The following RBM43 variants were observed in gnomAD, a reference collection of about 807,000 sequenced individuals.
RBM43 encodes RNA-binding protein 43.
Under a neutral mutation model 12.4 loss-of-function variants are expected in RBM43, and 12 were observed. The ratio of observed to expected loss-of-function variants is 0.97; its 90% confidence interval spans 0.62 to 1.57. The LOEUF is 1.57. RBM43 is among the 40% of genes most tolerant of loss of function. RBM43 has a pLI of 0.00. For synonymous variants in RBM43, 138 were observed against 145.7 expected (o/e 0.95, Z 0.38); for missense variants, 348 against 400.1 (o/e 0.87, Z 1.11).
rs138010968 is a variant in RBM43, at chr2:151,254,820, A to G, written c.214+713T>C. ...CCAGTAATAAGGCAGATACTATATTAGAATATCCATTTATTCTAAAATATA... is the reference window on the plus strand; with the variant it reads ...CCAGTAATAAGGCAGATACTATATTGGAATATCCATTTATTCTAAAATATA... On this transcript the variant is annotated intron_variant, in intron 2 of 3. Transcript: ENST00000331426. Among the ~76,000 whole-genome samples, 3 of 151,258 alleles carry G rather than the reference A, an allele frequency of 2.0e-5. No individual in the cohort carries two copies. In the East Asian group the frequency reaches 5.8e-4, roughly 29 times the overall value.
intron 1 of RBM43, among the ~76,000 whole-genome samples, chr2:151,259,803 G>A (rs1683023698): frequency 2.0e-5 from 3 of 152,276 alleles, no homozygotes; most frequent in Admixed American, 2.0e-4. Context: ...GGGAGAAATA[G>A]AAGATTCACT....
At chr2:151,254,880 A>G (rs1168914880) in intron 2 of RBM43, among the ~76,000 whole-genome samples, 2 of 152,164 alleles carry the variant, frequency 1.3e-5, no homozygotes, top group African/African-American at 4.8e-5. Context: ...CAAAGTAGTC[A>G]TCTTGTTTAT....
intron 2 of RBM43, among the ~76,000 whole-genome samples, chr2:151,254,908 T>C (rs983193263): frequency 3.9e-5 from 6 of 152,212 alleles, no homozygotes; most frequent in African/African-American, 1.4e-4. Flanking sequence ...TATATCATCT[T>C]TGTGGGGTTT....
In RBM43 at chr2:151,252,751, T is replaced by G. The variant is rs1244181010; in HGVS notation, c.315+4A>C. On this transcript the variant is annotated splice_donor_region_variant and intron_variant, in intron 3 of 3. Transcript: ENST00000331426. Reference sequence around the variant, plus strand: ...ATCAGTACACCTACAGCATCACACCTTACCTTGTCACCAAAATGAGAGACT... The same window carrying G: ...ATCAGTACACCTACAGCATCACACCGTACCTTGTCACCAAAATGAGAGACT... 1 of 1,543,716 alleles carries G rather than the reference T, an allele frequency of 6.5e-7. No homozygotes were observed. The highest frequency in any genetic ancestry group is 2.2e-5 in the East Asian group (1 of 44,512).
intron 1 of RBM43, among the ~76,000 whole-genome samples, chr2:151,256,981 A>G (rs1473549206): frequency 6.6e-6 from 1 of 152,224 alleles, no homozygotes; most frequent in African/African-American, 2.4e-5. Context: ...AACTGCAAGT[A>G]GACCCTTTGT....
In RBM43 at chr2:151,251,531, A is replaced by T. The variant is rs752804676; in HGVS notation, c.449T>A (p.Ile150Asn). ...SFSPLKPNGR[I>N]SVEGSFLAVK... ...AGCCAGAAATGATCCTTCCACGGAGATTCTTCCATTGGGTTTCAAAGGACT... is the reference window on the plus strand; with the variant it reads ...AGCCAGAAATGATCCTTCCACGGAGTTTCTTCCATTGGGTTTCAAAGGACT... Residue 150 changes from isoleucine (I) to asparagine (N), a missense_variant, in exon 4 of 4, where the codon ATC becomes AAC. By Grantham distance (149) the Ile-to-Asn change is moderately radical. Coordinates refer to ENST00000331426, the MANE Select transcript of RBM43 (RefSeq NM_198557.3). The T allele has an allele frequency of 5.0e-6, 8 of 1,614,150 alleles. No homozygotes were observed. Among genetic ancestry groups the T allele is most frequent in the Non-Finnish European group, 6.8e-6 (8 of 1,180,022 alleles).
chr2:151,261,532 G>T, intron 1 of RBM43, 193 bp downstream of exon 1: 1 of 1,546,858 alleles, frequency 6.5e-7, no homozygotes, highest in South Asian at 1.2e-5. Context: ...CAGCGAGGCT[G>T]ACCTGAGTTT....
At chr2:151,253,887 C>CGT (rs1682940685) in intron 2 of RBM43, among the ~76,000 whole-genome samples, 1 of 151,932 alleles carries the variant, frequency 6.6e-6, no homozygotes, top group Non-Finnish European at 1.5e-5. Flanking sequence ...ATTACCAGTC[C>CGT]CTCCCTTGGC....
rs890918328 is a variant in RBM43, at chr2:151,250,513, G to A, written c.*393C>T. ...ACTCCAGAGGTTGAGGCAGGAGAAT[G>A]GTGTGAACCCAGGAGGTGGACGTTG... On this transcript the variant is annotated 3_prime_UTR_variant, in exon 4 of 4. Coordinates refer to ENST00000331426, the MANE Select transcript of RBM43 (RefSeq NM_198557.3). 3.3e-5 allele frequency: 5 copies of A among 153,690 alleles called. No individual in the cohort carries two copies. Among genetic ancestry groups the A allele is most frequent in the African/African-American group, 1.2e-4 (5 of 41,120 alleles). 9.5% of individuals were successfully genotyped at this position (153,690 alleles called of 1,614,324 possible). A position where few individuals can be genotyped will look rare whatever the true frequency, so the allele number is the denominator to read the frequency against.
chr2:151,249,955 A>T lies in RBM43; in HGVS notation c.*951T>A, dbSNP rs1682872506. 1.3e-5 allele frequency: 2 copies of T among 152,156 alleles called. No homozygotes were observed. Among genetic ancestry groups the T allele is most frequent in the Admixed American group, 1.3e-4 (2 of 15,270 alleles). The allele number at this position is 152,156 out of a possible 1,614,324, so 9.4% of individuals were successfully genotyped here. On this transcript the variant is annotated 3_prime_UTR_variant, in exon 4 of 4. Transcript: ENST00000331426. ...GTTTTAGTTGGATGTGACAAGAATG[A>T]CTCAATTAATATTATCAACTTGCAC...
intron 1 of RBM43, 43 bp from the exon 2 acceptor site, chr2:151,255,786 C>T: frequency 7.5e-7 from 1 of 1,337,328 alleles, no homozygotes; most frequent in South Asian, 1.2e-5. Flanking sequence ...ACACAAGACT[C>T]TATATAATAA....
rs576487345 is a variant in RBM43, at chr2:151,250,642, T to C, written c.*264A>G. 26 of 313,156 alleles carry C rather than the reference T, an allele frequency of 8.3e-5. No homozygotes were observed. The highest frequency in any genetic ancestry group is 6.3e-4 in the East Asian group (12 of 19,198). The allele number at this position is 313,156 out of a possible 1,614,324, so 19.4% of individuals were successfully genotyped here. ...GTTTGGTGAGTTTTTTTCAAAGTTTTATTCCTTAGATATTATCTGTGTAAT... is the reference window on the plus strand; with the variant it reads ...GTTTGGTGAGTTTTTTTCAAAGTTTCATTCCTTAGATATTATCTGTGTAAT... On this transcript the variant is annotated 3_prime_UTR_variant, in exon 4 of 4. Transcript: ENST00000331426.
At chr2:151,259,305 A>C (rs1683016726) in intron 1 of RBM43, among the ~76,000 whole-genome samples, 1 of 152,216 alleles carries the variant, frequency 6.6e-6, no homozygotes, top group South Asian at 2.1e-4. Flanking sequence ...AACAATATTT[A>C]CTGTTTACAT....
At chr2:151,253,888 C>A (rs35058039) in intron 2 of RBM43, among the ~76,000 whole-genome samples, 21 of 151,768 alleles carry the variant, frequency 1.4e-4, no homozygotes, top group African/African-American at 2.2e-4. Flanking sequence ...TTACCAGTCC[C>A]TCCCTTGGCC....
At position 151,258,281 on chromosome 2, in the gene RBM43, T is replaced by A. The variant is rs138125173; in HGVS notation, c.4-2538A>T. Among the ~76,000 whole-genome samples the A allele has an allele frequency of 3.7e-3, 560 of 151,112 alleles. 4 individuals carry two copies. The highest frequency in any genetic ancestry group is 0.013 in the African/African-American group (536 of 41,126). ...AACTGCTCCAGCTGTCTCCTCACAT[T>A]CCCTACCCCCAGTGCACACAAGATT... On this transcript the variant is annotated intron_variant, in intron 1 of 3. Coordinates refer to ENST00000331426, the MANE Select transcript of RBM43 (RefSeq NM_198557.3).
At chr2:151,251,791 C>G in intron 3 of RBM43, 127 bp from the exon 4 acceptor site, 1 of 895,514 alleles carries the variant, frequency 1.1e-6, no homozygotes. Context: ...TTGCCTGCCC[C>G]AGACTTCCTG....
chr2:151,260,393 G>A (rs1683031689), intron 1 of RBM43, among the ~76,000 whole-genome samples: 1 of 152,154 alleles, frequency 6.6e-6, no homozygotes, highest in South Asian at 2.1e-4. Context: ...GCCGGGCAGG[G>A]AGATCATTTT....
chr2:151,255,743 C>T lies in RBM43; in HGVS notation c.4G>A (p.Ala2Thr). The T allele has an allele frequency of 6.2e-7, 1 of 1,606,746 alleles. No homozygotes were observed. The highest frequency in any genetic ancestry group is 8.5e-7 in the Non-Finnish European group (1 of 1,173,704). The change falls in exon 2 of 4, where the codon GCA (alanine) becomes ACA (threonine). Residue 2 changes from alanine (A) to threonine (T), a missense_variant and splice_region_variant. By Grantham distance (58) the Ala-to-Thr change is moderately conservative. Coordinates refer to ENST00000331426, the MANE Select transcript of RBM43 (RefSeq NM_198557.3). The stretch of plus-strand genomic sequence containing the variant: ...GATTCCTTGACATTCAAAACTGATG[C>T]CTGTAAGAGAAACAGCAGGTTATTC... Reference protein sequence around the residue: MASVLNVKESKA... With the variant: MTSVLNVKESKA...
chr2:151,254,562 C>T (rs1470173055), intron 2 of RBM43, among the ~76,000 whole-genome samples: 1 of 152,118 alleles, frequency 6.6e-6, no homozygotes, highest in Non-Finnish European at 1.5e-5. Context: ...TGCTCCAACC[C>T]CCATGTGGTA....
Sources: gnomAD v4.1 joint callset for allele counts (sites outside exome capture counted in the v4.1 genomes callset) on GRCh38, gnomAD v4.1.1 for gene constraint, MANE v1.5 for transcripts, NCBI Gene and HGNC (gene_info 2026-07-23, HGNC 2026-07-21) for gene names.